Variants in FRAS1 observed in about 807,000 individuals in gnomAD.
FRAS1 encodes the protein Fraser extracellular matrix complex subunit 1.
Under a neutral mutation model 435.2 loss-of-function variants are expected in FRAS1, and 290 were observed. The ratio of observed to expected loss-of-function variants is 0.67; its 90% CI spans 0.61 to 0.73. The LOEUF (loss-of-function observed/expected upper bound fraction) is 0.73, where lower values mean the gene tolerates loss of function less well. FRAS1 is among the 30% of genes least tolerant of loss of function. The pLI is 0.00. For synonymous variants in FRAS1, 1,800 were observed against 1,851.0 expected (o/e 0.97, Z 0.71); for missense variants, 4,860 against 5,001.5 (o/e 0.97, Z 0.85).
intron 2 of FRAS1, among the ~76,000 whole-genome samples, chr4:78,189,211 A>G (rs907220356): frequency 6.6e-6 from 1 of 152,176 alleles, no homozygotes; most frequent in Non-Finnish European, 1.5e-5. Flanking sequence ...TTAAATGCAC[A>G]ATTGTGGATA....
intron 15 of FRAS1, among the ~76,000 whole-genome samples, chr4:78,313,599 T>C (rs1337289685): frequency 6.6e-6 from 1 of 152,168 alleles, no homozygotes; most frequent in Non-Finnish European, 1.5e-5. Flanking sequence ...CTCACCTCCT[T>C]CCACCCTTCA....
rs768832702 is a variant in FRAS1, at chr4:78,432,593, C to G, written c.5206C>G (p.Leu1736Val). ...KSTAIITRSH[L>V]AYVDDSSPDP... The stretch of plus-strand genomic sequence containing the variant: ...CACAGCCATAATCACTAGGTCACAC[C>G]TTGCTTACGTGGTAAGTTCTTCCAT... Residue 1736 changes from leucine to valine, a missense_variant, in exon 38 of 74, where the codon CTT becomes GTT. Leu to Val is a conservative substitution (Grantham distance 32). Coordinates refer to ENST00000512123, the MANE Select transcript of FRAS1 (RefSeq NM_025074.7). The G allele has an allele frequency of 1.3e-6, 2 of 1,578,926 alleles. No individual in the cohort carries two copies. The highest frequency in any genetic ancestry group is 2.3e-5 in the East Asian group (1 of 44,366).
At chr4:78,493,771 G>A (rs984272405) in intron 59 of FRAS1, among the ~76,000 whole-genome samples, 2 of 151,990 alleles carry the variant, frequency 1.3e-5, no homozygotes, top group Admixed American at 1.3e-4. Flanking sequence ...AAACCTGCAT[G>A]TTCTGCACAT....
chr4:78,065,081 T>TATATATATATATACACACACACACAC (rs762909923), intron 1 of FRAS1, among the ~76,000 whole-genome samples: 8 of 125,692 alleles, frequency 6.4e-5, no homozygotes, highest in African/African-American at 2.4e-4. Flanking sequence ...TATATATATA[T>TATATATATATATACACACACACACAC]ATACATACAC....
chr4:78,515,964 T>C lies in FRAS1; in HGVS notation c.10340T>C (p.Met3447Thr). Residue 3447 changes from methionine (M) to threonine (T), a missense_variant, in exon 66 of 74, where the codon ATG becomes ACG. By Grantham distance (81) the Met-to-Thr change is moderately conservative. Coordinates refer to ENST00000512123, the MANE Select transcript of FRAS1 (RefSeq NM_025074.7). Reference sequence around the variant, plus strand: ...TGGACCTTTGATGCTTATTATGACATGACTGAGCTGATTGACGTCTGTGGG... The same window carrying C: ...TGGACCTTTGATGCTTATTATGACACGACTGAGCTGATTGACGTCTGTGGG... ...CVWTFDAYYD[M>T]TELIDVCGGS... The C allele has an allele frequency of 6.2e-7, 1 of 1,613,982 alleles. No individual in the cohort carries two copies. The highest frequency in any genetic ancestry group is 2.2e-5 in the East Asian group (1 of 44,858).
chr4:78,148,968 A>T (rs767926993), intron 2 of FRAS1, among the ~76,000 whole-genome samples: 19 of 152,182 alleles, frequency 1.2e-4, no homozygotes, highest in Admixed American at 1.2e-3. Context: ...GTATTTTTTT[A>T]AAAAACTTTT....
At chr4:78,069,638 A>G (rs1740234832) in intron 2 of FRAS1, among the ~76,000 whole-genome samples, 3 of 152,198 alleles carry the variant, frequency 2.0e-5, no homozygotes, top group African/African-American at 4.8e-5. Context: ...TGCAAAGACG[A>G]TAATATGGGA....
At chr4:78,184,119 T>C (rs1722173783) in intron 2 of FRAS1, among the ~76,000 whole-genome samples, 1 of 152,310 alleles carries the variant, frequency 6.6e-6, no homozygotes, top group East Asian at 1.9e-4. Context: ...TCTGGGTTGA[T>C]TATAAATTGT....
At chr4:78,410,683 C>G (rs1481402797) in intron 31 of FRAS1, among the ~76,000 whole-genome samples, 1 of 152,128 alleles carries the variant, frequency 6.6e-6, no homozygotes, top group Non-Finnish European at 1.5e-5. Flanking sequence ...AGACTAAGGT[C>G]TGGTGAGAAA....
intron 2 of FRAS1, among the ~76,000 whole-genome samples, chr4:78,125,539 A>G (rs1373221233): frequency 6.6e-6 from 1 of 152,134 alleles, no homozygotes; most frequent in Non-Finnish European, 1.5e-5. Flanking sequence ...AGTCCTGGAT[A>G]TCTTTGTTAA....
intron 2 of FRAS1, among the ~76,000 whole-genome samples, chr4:78,139,971 C>T (rs1185843061): frequency 2.6e-5 from 4 of 152,022 alleles, no homozygotes; most frequent in Admixed American, 2.0e-4. Context: ...AGGGAAAAGC[C>T]CCAACTTAGC....
intron 2 of FRAS1, among the ~76,000 whole-genome samples, chr4:78,172,063 T>G (rs368491159): frequency 6.6e-6 from 1 of 152,086 alleles, no homozygotes; most frequent in African/African-American, 2.4e-5. Flanking sequence ...GACCTCTCAT[T>G]TAGGTGATCT....
intron 15 of FRAS1, among the ~76,000 whole-genome samples, chr4:78,313,926 G>A (rs575897001): frequency 6.6e-6 from 1 of 152,216 alleles, no homozygotes; most frequent in African/African-American, 2.4e-5. Context: ...GACACCCACA[G>A]CCTGGTTCCT....
chr4:78,540,497 G>A (rs1722013793), intron 73 of FRAS1, 34 bp from the exon 74 acceptor site: 2 of 1,396,330 alleles, frequency 1.4e-6, no homozygotes, highest in Non-Finnish European at 1.9e-6. Context: ...TGGTCTGTGG[G>A]CAACAACAAC....
At chr4:78,299,954 C>A (rs994208588) in intron 14 of FRAS1, among the ~76,000 whole-genome samples, 4 of 152,186 alleles carry the variant, frequency 2.6e-5, no homozygotes, top group Admixed American at 2.6e-4. Flanking sequence ...TTACATGTGT[C>A]TTTGTGTGCT....
At chr4:78,347,785 GT>G (rs1291875290) in intron 20 of FRAS1, among the ~76,000 whole-genome samples, 4 of 100,152 alleles carry the variant, frequency 4.0e-5, no homozygotes, top group East Asian at 6.0e-4. Flanking sequence ...GTGTGTGTGT[GT>G]GTTTTTTTTT....
At chr4:78,495,631 A>C (rs1449002484) in intron 59 of FRAS1, among the ~76,000 whole-genome samples, 1 of 152,268 alleles carries the variant, frequency 6.6e-6, no homozygotes, top group Admixed American at 6.5e-5. Flanking sequence ...TTTAAGTTCA[A>C]AAGAGAATTC....
At chr4:78,306,193 C>T (rs345535) in intron 14 of FRAS1, among the ~76,000 whole-genome samples, 55,866 of 151,610 alleles carry the variant, frequency 0.37, 11,533 homozygotes, top group African/African-American at 0.52. Flanking sequence ...TATTGGCCCC[C>T]ACTCTCTTCT....
intron 20 of FRAS1, among the ~76,000 whole-genome samples, chr4:78,338,465 C>T (rs556746192): frequency 8.3e-4 from 127 of 152,252 alleles, no homozygotes; most frequent in African/African-American, 2.7e-3. Context: ...GACAATGACT[C>T]CACCACCAAA....
Sources: allele counts gnomAD v4.1 joint callset (sites outside exome capture counted in the v4.1 genomes callset), GRCh38; gene constraint gnomAD v4.1.1; transcripts MANE v1.5; gene names NCBI Gene and HGNC (gene_info 2026-07-23, HGNC 2026-07-21).